DNAH14: variants seen among roughly 807,000 people sequenced by gnomAD.
The protein encoded by DNAH14 is dynein axonemal heavy chain 14, also known as axonemal beta dynein heavy chain 14.
A neutral mutation model predicts 520.9 loss-of-function variants in DNAH14; 478 were observed. That is an observed-to-expected ratio of 0.92 (90% confidence interval 0.85 to 0.99). The LOEUF (loss-of-function observed/expected upper bound fraction) is 0.99, where lower values mean the gene tolerates loss of function less well. Ranked by LOEUF, DNAH14 falls within the 50% of genes least tolerant of loss-of-function variation. The pLI is 0.00. For synonymous variants in DNAH14, 1,581 were observed against 1,757.2 expected, an observed-to-expected ratio of 0.90 and a Z score of 2.51; for missense variants, 4,831 against 5,234.5, an observed-to-expected ratio of 0.92 and a Z score of 2.38.
chr1:225,387,070 A>G (rs1438388512), intron 81 of DNAH14, among the ~76,000 whole-genome samples: 1 of 152,198 alleles, frequency 6.6e-6, no homozygotes, highest in Non-Finnish European at 1.5e-5. Context: ...AAAAAGGATG[A>G]GTTCATGTCC....
intron 3 of DNAH14, among the ~76,000 whole-genome samples, chr1:224,957,602 AAGAAAGAC>A: frequency 6.6e-6 from 1 of 152,264 alleles, no homozygotes; most frequent in Admixed American, 6.5e-5. Context: ...ATAGGATGAC[AAGAAAGAC>A]AGAGTGTGAG....
In DNAH14 at chr1:225,144,478, G is replaced by GTACT; in HGVS notation, c.4592_4595dup (p.Gly1533LeufsTer42). 1.9e-6 allele frequency: 3 copies of GTACT among 1,551,570 alleles called. No homozygotes were observed. The highest frequency in any genetic ancestry group is 2.6e-6 in the Non-Finnish European group (3 of 1,146,984). ...ATGCCAGCTTTACTTATGGCTATGAGTACTTGGGCTGTACCTCAAGATTGG... is the reference window on the plus strand; with the variant it reads ...ATGCCAGCTTTACTTATGGCTATGAGTACTTACTTGGGCTGTACCTCAAGATTGG... On this transcript the variant is annotated frameshift_variant, in exon 29 of 86. Coordinates refer to ENST00000682510, the MANE Select transcript of DNAH14 (RefSeq NM_001367479.1). LOFTEE classifies it high-confidence loss of function.
At chr1:225,010,155 G>A (rs190470267) in intron 10 of DNAH14, among the ~76,000 whole-genome samples, 101 of 152,262 alleles carry the variant, frequency 6.6e-4, no homozygotes, top group Non-Finnish European at 1.2e-3. Flanking sequence ...GTGAAAGAGG[G>A]CATCCTTGTC....
chr1:225,085,561 T>C lies in DNAH14; in HGVS notation c.3345T>C (p.Asn1115=). The C allele has an allele frequency of 6.5e-7, 1 of 1,545,268 alleles. No homozygotes were observed. Among genetic ancestry groups the C allele is most frequent in the South Asian group, 1.2e-5 (1 of 83,782 alleles). The change falls in exon 21 of 86, where the codon AAT becomes AAC. Residue 1115 remains asparagine (N), a synonymous_variant. Transcript: ENST00000682510. ...CATTTTAGATGTTTCAGTATGAAAA[T>C]GAAATAAATGATATGTCAACCTCAG... is the stretch of plus-strand genomic sequence containing the variant. ...LLALKMFQYE[N]EINDMSTSAT...
chr1:225,008,230 G>A (rs1312768729), intron 10 of DNAH14, among the ~76,000 whole-genome samples: 4 of 151,852 alleles, frequency 2.6e-5, no homozygotes, highest in Admixed American at 6.6e-5. Flanking sequence ...CAGCTTCATC[G>A]GCATCCCTGC....
intron 55 of DNAH14, among the ~76,000 whole-genome samples, chr1:225,296,751 G>A (rs1183140133): frequency 6.6e-6 from 1 of 152,098 alleles, no homozygotes; most frequent in Non-Finnish European, 1.5e-5. Flanking sequence ...GGATAGCTTT[G>A]TTGGATATAA....
chr1:225,012,188 A>G (rs1396602054), intron 10 of DNAH14, among the ~76,000 whole-genome samples: 1 of 152,024 alleles, frequency 6.6e-6, no homozygotes, highest in East Asian at 1.9e-4. Flanking sequence ...TTTAAAGGAT[A>G]TTATTTCTCC....
intron 66 of DNAH14, among the ~76,000 whole-genome samples, chr1:225,335,194 TATGCACACAC>T (rs2094911052): frequency 7.2e-6 from 1 of 139,848 alleles, no homozygotes; most frequent in Non-Finnish European, 1.6e-5. Flanking sequence ...TGTGTGTATA[TATGCACACAC>T]GTACATGTGT....
At chr1:225,374,151 A>ATATATATATG (rs2095657276) in intron 77 of DNAH14, among the ~76,000 whole-genome samples, 1 of 58,386 alleles carries the variant, frequency 1.7e-5, no homozygotes, top group Non-Finnish European at 3.6e-5. Flanking sequence ...CTTACTATAT[A>ATATATATATG]TATATATATA....
At chr1:225,272,321 C>T (rs2093336895) in intron 51 of DNAH14, among the ~76,000 whole-genome samples, 1 of 152,154 alleles carries the variant, frequency 6.6e-6, no homozygotes, top group Non-Finnish European at 1.5e-5. Context: ...AAATAAGTGA[C>T]AAGGTTATAA....
chr1:225,040,854 G>A (rs1345145493), intron 12 of DNAH14, among the ~76,000 whole-genome samples: 1 of 152,080 alleles, frequency 6.6e-6, no homozygotes, highest in Non-Finnish European at 1.5e-5. Flanking sequence ...AATTTTTATT[G>A]CTCCATAAGC....
intron 27 of DNAH14, among the ~76,000 whole-genome samples, chr1:225,132,129 AG>A (rs2078482780): frequency 6.6e-6 from 1 of 152,112 alleles, no homozygotes; most frequent in Non-Finnish European, 1.5e-5. Context: ...ATCTGTCAAC[AG>A]TGGTTTTCTG....
intron 41 of DNAH14, among the ~76,000 whole-genome samples, chr1:225,215,515 T>C (rs1412728891): frequency 6.6e-6 from 1 of 152,202 alleles, no homozygotes; most frequent in Non-Finnish European, 1.5e-5. Context: ...GGTGTTAAAG[T>C]TTCCCAGTAT....
chr1:224,990,125 T>C (rs1307545710), intron 8 of DNAH14, among the ~76,000 whole-genome samples: 1 of 152,050 alleles, frequency 6.6e-6, no homozygotes, highest in Non-Finnish European at 1.5e-5. Context: ...TTGTTGTAGA[T>C]TGGTGTCAAT....
chr1:225,216,779 T>G (rs2089404929), intron 41 of DNAH14, among the ~76,000 whole-genome samples: 1 of 152,206 alleles, frequency 6.6e-6, no homozygotes, highest in South Asian at 2.1e-4. Flanking sequence ...CACTGTTTAT[T>G]CTAGTTAGCC....
At chr1:225,122,497 C>T (rs1255661037) in intron 26 of DNAH14, among the ~76,000 whole-genome samples, 3 of 151,954 alleles carry the variant, frequency 2.0e-5, no homozygotes, top group Admixed American at 6.6e-5. Flanking sequence ...TATATCAATG[C>T]GAGTGTGCAG....
intron 10 of DNAH14, among the ~76,000 whole-genome samples, chr1:225,012,294 C>T (rs1338107841): frequency 6.6e-6 from 1 of 152,180 alleles, no homozygotes. Flanking sequence ...TCTATTCTAG[C>T]ATGTAGAGTT....
intron 41 of DNAH14, among the ~76,000 whole-genome samples, chr1:225,221,795 A>G (rs1393593402): frequency 2.6e-5 from 4 of 152,206 alleles, no homozygotes; most frequent in Non-Finnish European, 5.9e-5. Context: ...CAAAGGGCAT[A>G]GGTATAAAGG....
intron 10 of DNAH14, among the ~76,000 whole-genome samples, chr1:225,018,663 T>C (rs578153693): frequency 6.0e-4 from 91 of 152,306 alleles, no homozygotes; most frequent in African/African-American, 2.0e-3. Flanking sequence ...GAAGGGCAGA[T>C]CACTGGCAAA....
Sources: allele counts gnomAD v4.1 joint callset (sites outside exome capture counted in the v4.1 genomes callset), GRCh38; gene constraint gnomAD v4.1.1; transcripts MANE v1.5; gene names NCBI Gene and HGNC (gene_info 2026-07-23, HGNC 2026-07-21).